Variants in PAPPA observed in about 807,000 individuals in gnomAD.
The protein encoded by PAPPA is pappalysin 1.
Under a neutral mutation model 164.0 loss-of-function variants are expected in PAPPA, and 60 were observed. The observed-to-expected ratio is 0.37, with a 90% CI of 0.30 to 0.45. The LOEUF (loss-of-function observed/expected upper bound fraction) is 0.45. Ranked by LOEUF, PAPPA falls within the 20% of genes least tolerant of loss-of-function variation. The pLI is 1.00. For missense variants in PAPPA, 1,782 were observed against 2,087.3 expected (o/e 0.85, Z 2.85); for synonymous variants, 875 against 814.1 (o/e 1.07, Z -1.27).
chr9:116,189,057 G>A (rs1844012052), intron 2 of PAPPA, among the ~76,000 whole-genome samples: 1 of 152,150 alleles, frequency 6.6e-6, no homozygotes, highest in African/African-American at 2.4e-5. Context: ...GACTATATCA[G>A]GGAAGCCTTC....
intron 17 of PAPPA, among the ~76,000 whole-genome samples, chr9:116,360,243 G>A (rs907599371): frequency 2.0e-5 from 3 of 151,992 alleles, no homozygotes; most frequent in Non-Finnish European, 4.4e-5. Flanking sequence ...GAATCATGGG[G>A]CCTAGAGCCT....
chr9:116,202,768 T>C (rs368537892), intron 2 of PAPPA, among the ~76,000 whole-genome samples: 35 of 152,298 alleles, frequency 2.3e-4, no homozygotes, highest in African/African-American at 7.7e-4. Flanking sequence ...TTGGGTACAC[T>C]TCCTGTGCTA....
intron 1 of PAPPA, among the ~76,000 whole-genome samples, chr9:116,185,865 T>C (rs1349464065): frequency 6.6e-6 from 1 of 152,066 alleles, no homozygotes; most frequent in East Asian, 1.9e-4. Flanking sequence ...ATGCCCCAGG[T>C]AGGTGGCATA....
intron 9 of PAPPA, among the ~76,000 whole-genome samples, chr9:116,278,098 G>A (rs1260440496): frequency 1.3e-5 from 2 of 152,204 alleles, no homozygotes; most frequent in Non-Finnish European, 2.9e-5. Context: ...GTTACACAGA[G>A]ACATAGCAGA....
chr9:116,309,797 G>A (rs1412640840), intron 10 of PAPPA, among the ~76,000 whole-genome samples: 1 of 152,148 alleles, frequency 6.6e-6, no homozygotes, highest in Non-Finnish European at 1.5e-5. Flanking sequence ...TGAGGGCAAT[G>A]GGGAGTTTTT....
chr9:116,391,057 C>T (rs985182049), intron 21 of PAPPA, among the ~76,000 whole-genome samples: 10 of 152,160 alleles, frequency 6.6e-5, no homozygotes, highest in Admixed American at 2.6e-4. Flanking sequence ...ATAGCATACA[C>T]GAAAGTCAGC....
chr9:116,287,022 GAGAATC>G (rs1284924161), intron 9 of PAPPA: 1 of 152,152 alleles, frequency 6.6e-6, no homozygotes, highest in African/African-American at 2.4e-5. Flanking sequence ...GCATCCGAGA[GAGAATC>G]AGATCAGCCC....
intron 13 of PAPPA, among the ~76,000 whole-genome samples, chr9:116,342,674 C>CA (rs932379061): frequency 7.3e-5 from 11 of 150,964 alleles, no homozygotes; most frequent in Non-Finnish European, 1.2e-4. Flanking sequence ...AAAACAACGA[C>CA]AAAAAAAAAG....
intron 7 of PAPPA, 101 bp from the exon 8 acceptor site, chr9:116,265,756 A>T: frequency 1.1e-6 from 1 of 922,202 alleles, no homozygotes; most frequent in Non-Finnish European, 1.7e-6. Context: ...TTCAAAAATG[A>T]GCAAGACTGA....
intron 21 of PAPPA, 66 bp downstream of exon 21, chr9:116,382,559 C>A: frequency 1.1e-6 from 1 of 944,268 alleles, no homozygotes; most frequent in South Asian, 1.3e-5. Flanking sequence ...GGGCCAGGAT[C>A]ACTCCTTCAT....
Position 116,331,450 on chromosome 9 carries a change from C to T in PAPPA, c.3261+93C>T, listed in dbSNP as rs1564228720. On this transcript the variant is annotated intron_variant, in intron 11 of 21. Coordinates refer to ENST00000328252, the MANE Select transcript of PAPPA (RefSeq NM_002581.5). ...CCCTTTCTGAAGATGGGTTGTCTAC[C>T]TGCTGAGGGTGTTAATTGTAAGAAC... The T allele has an allele frequency of 5.3e-6, 4 of 759,202 alleles. No homozygotes were observed. The Admixed American group carries it at 6.1e-5, about 12-fold the overall frequency. The allele number at this position is 759,202 out of a possible 1,614,324, so 47.0% of individuals were successfully genotyped here. A position where few individuals can be genotyped will look rare whatever the true frequency, so the allele number is the denominator to read the frequency against.
chr9:116,336,446 G>T (rs1235487914), intron 13 of PAPPA, among the ~76,000 whole-genome samples: 1 of 152,088 alleles, frequency 6.6e-6, no homozygotes, highest in East Asian at 1.9e-4. Flanking sequence ...TTTTCCACAA[G>T]CCCTTGTTCT....
At chr9:116,388,373 A>C (rs1165976370) in intron 21 of PAPPA, among the ~76,000 whole-genome samples, 1 of 152,212 alleles carries the variant, frequency 6.6e-6, no homozygotes, top group Non-Finnish European at 1.5e-5. Flanking sequence ...TCAATTTATA[A>C]TTGGAATCAT....
At chr9:116,269,477 C>T (rs1368720772) in intron 8 of PAPPA, among the ~76,000 whole-genome samples, 4 of 152,134 alleles carry the variant, frequency 2.6e-5, no homozygotes, top group African/African-American at 9.7e-5. Context: ...AAATTACAGC[C>T]TCTTATAAGG....
At chr9:116,209,427 GAAA>G (rs1425086136) in intron 3 of PAPPA, among the ~76,000 whole-genome samples, 20 of 152,282 alleles carry the variant, frequency 1.3e-4, no homozygotes, top group Admixed American at 1.1e-3. Flanking sequence ...AAAAGCAACT[GAAA>G]GGGCCATGAT....
rs754175429 is a variant in PAPPA, at chr9:116,235,540, C to G, written c.2635C>G (p.Leu879Val). ...CTCCACTGCAGACACCCCACTCTGTCTACAGTGTAAGCCCCTGAAGTATAA... is the reference window on the plus strand; with the variant it reads ...CTCCACTGCAGACACCCCACTCTGTGTACAGTGTAAGCCCCTGAAGTATAA... Reference protein sequence around the residue: ...LTSTADTPLCLQCKPLKYKVV... With the variant: ...LTSTADTPLCVQCKPLKYKVV... The change falls in exon 7 of 22, where the codon CTA becomes GTA. Residue 879 changes from leucine (L) to valine (V), a missense_variant. Physicochemically the swap from Leu to Val is conservative, Grantham distance 32. This residue lies in a region of PAPPA where 1,324 missense variants were observed against 1,656.9 expected (regional missense o/e 0.80). Coordinates refer to ENST00000328252, the MANE Select transcript of PAPPA (RefSeq NM_002581.5). The G allele has an allele frequency of 6.2e-7, 1 of 1,613,704 alleles. No homozygotes were observed. The highest frequency in any genetic ancestry group is 1.1e-5 in the South Asian group (1 of 91,040).
chr9:116,202,814 A>G (rs1003859), intron 2 of PAPPA, among the ~76,000 whole-genome samples: 3,003 of 152,244 alleles, frequency 0.02, 79 homozygotes, highest in East Asian at 0.11. Context: ...TTGAGGCTCC[A>G]AAAATTCTTG....
intron 21 of PAPPA, among the ~76,000 whole-genome samples, chr9:116,388,102 G>A (rs1483433979): frequency 6.6e-6 from 1 of 152,084 alleles, no homozygotes; most frequent in African/African-American, 2.4e-5. Context: ...GACACCAGCT[G>A]TTCCCCACAT....
Position 116,341,317 on chromosome 9 carries a change from G to C in PAPPA, c.3612-3226G>C, listed in dbSNP as rs199867540. ...CAGCTCCCAAAGTGCTGAGATTACA[G>C]GTGTGAGCCACCACACCCGACCTCA... On this transcript the variant is annotated intron_variant, in intron 13 of 21. Coordinates refer to ENST00000328252, the MANE Select transcript of PAPPA (RefSeq NM_002581.5). 2.0e-5 allele frequency among the ~76,000 whole-genome samples: 3 copies of C among 152,234 alleles called. No individual in the cohort carries two copies. In the East Asian group the frequency reaches 5.8e-4, roughly 29 times the overall value.
Sources: gnomAD v4.1 joint callset for allele counts (sites outside exome capture counted in the v4.1 genomes callset) on GRCh38, gnomAD v4.1.1 for gene constraint, gnomAD v4.1.1 regional missense constraint, MANE v1.5 for transcripts, NCBI Gene and HGNC (gene_info 2026-07-23, HGNC 2026-07-21) for gene names.